The following ZNF124 variants were observed in gnomAD, a reference collection of about 807,000 sequenced individuals.
ZNF124 encodes zinc finger protein HZF-16.
A neutral mutation model predicts 26.6 loss-of-function variants in ZNF124; 25 were observed. The observed-to-expected ratio is 0.94, with a 90% CI of 0.68 to 1.31. The LOEUF is 1.31. Among genes scored for constraint, ZNF124 ranks in the 40% most tolerant of loss-of-function variants. The pLI is 0.00. For synonymous variants in ZNF124, 129 were observed against 133.3 expected (o/e 0.97, Z 0.22); for missense variants, 444 against 422.2 (o/e 1.05, Z -0.45).
In ZNF124 at chr1:247,159,005, C is replaced by T. The variant is rs777998506; in HGVS notation, c.218+1G>A. ...TGCTTCCTCTTGTGAGGGCAAATTA[C>T]CTTAGATTTCTTGAAGAATTTTTGT... On this transcript the variant is annotated splice_donor_variant, in intron 3 of 3. Coordinates refer to ENST00000543802, the MANE Select transcript of ZNF124 (RefSeq NM_001297568.2). LOFTEE classifies it high-confidence loss of function. 9.9e-6 allele frequency: 16 copies of T among 1,613,140 alleles called. No individual in the cohort carries two copies. The highest frequency in any genetic ancestry group is 8.5e-7 in the Non-Finnish European group (1 of 1,179,642).
chr1:247,153,796 CAGGATTATATCTT>C (rs147365585), downstream of ZNF124, among the ~76,000 whole-genome samples: 6,044 of 152,202 alleles, frequency 0.04, 146 homozygotes, highest in Non-Finnish European at 0.051. Context: ...CTTGTGGTCA[CAGGATTATATCTT>C]TAGAATGCTG....
intron 3 of ZNF124, among the ~76,000 whole-genome samples, chr1:247,127,769 C>T (rs1449994902): frequency 2.0e-5 from 3 of 149,456 alleles, no homozygotes; most frequent in African/African-American, 7.3e-5. Context: ...AGCTGTAAGC[C>T]CTTAAAAGAG....
chr1:247,150,651 A>G (rs1412793155), downstream of ZNF124, among the ~76,000 whole-genome samples: 1 of 152,134 alleles, frequency 6.6e-6, no homozygotes, highest in Non-Finnish European at 1.5e-5. Flanking sequence ...AACATTTAAT[A>G]TGCTGGGGAA....
At chr1:247,151,379 T>G (rs1239274400), downstream of ZNF124, among the ~76,000 whole-genome samples, 1 of 150,536 alleles carries the variant, frequency 6.6e-6, no homozygotes, top group Non-Finnish European at 1.5e-5. Flanking sequence ...CTCGGGAGGC[T>G]GAGGCAGGAG....
At chr1:247,163,941 C>G (rs1485778296) in intron 1 of ZNF124, among the ~76,000 whole-genome samples, 1 of 152,152 alleles carries the variant, frequency 6.6e-6, no homozygotes, top group South Asian at 2.1e-4. Context: ...ACCTATTCCA[C>G]CACCATGATT....
intron 3 of ZNF124, among the ~76,000 whole-genome samples, chr1:247,142,807 T>C (rs888466509): frequency 2.0e-5 from 3 of 151,774 alleles, no homozygotes; most frequent in Non-Finnish European, 4.4e-5. Flanking sequence ...ATCTTATGTA[T>C]TGTAGAAGAT....
At chr1:247,149,904 C>A (rs1042814779) in intron 3 of ZNF124, 18 of 152,208 alleles carry the variant, frequency 1.2e-4, no homozygotes, top group African/African-American at 3.6e-4. Flanking sequence ...GGCAGACTGT[C>A]TCTGGTGAAG....
In ZNF124 at chr1:247,156,251, C is replaced by A. The variant is rs1014466202; in HGVS notation, c.*315G>T. On this transcript the variant is annotated 3_prime_UTR_variant, in exon 4 of 4. Transcript: ENST00000543802. ...AATGAAGGCATTCTCACATTCGATA[C>A]CTTCATAAAGTTTTTCTCTAGAATG... 3.8e-6 allele frequency: 4 copies of A among 1,052,576 alleles called. No individual in the cohort carries two copies. The highest frequency in any genetic ancestry group is 4.6e-6 in the Non-Finnish European group (4 of 875,248). 65.2% of individuals were successfully genotyped at this position (1,052,576 alleles called of 1,614,324 possible).
chr1:247,152,838 A>G (rs973341812), downstream of ZNF124, among the ~76,000 whole-genome samples: 1 of 152,224 alleles, frequency 6.6e-6, no homozygotes, highest in African/African-American at 2.4e-5. Flanking sequence ...AAACATATAC[A>G]ACCCATGTAC....
intron 3 of ZNF124, among the ~76,000 whole-genome samples, chr1:247,148,854 C>T (rs1448972976): frequency 2.0e-5 from 3 of 151,950 alleles, no homozygotes; most frequent in African/African-American, 7.3e-5. Flanking sequence ...CCTGTAGGCC[C>T]AGCTACTCTG....
chr1:247,156,361 T>A lies in ZNF124; in HGVS notation c.*205A>T. 1 of 1,246,748 alleles carries A rather than the reference T, an allele frequency of 8.0e-7. No individual in the cohort carries two copies. The allele number at this position is 1,246,748 out of a possible 1,614,324, so 77.2% of individuals were successfully genotyped here. ...ATTCATATGGATTTTCTTCAGTGAGTCCTTTCAAGTTTTCAAAAAGAAATG... is the reference window on the plus strand; with the variant it reads ...ATTCATATGGATTTTCTTCAGTGAGACCTTTCAAGTTTTCAAAAAGAAATG... On this transcript the variant is annotated 3_prime_UTR_variant, in exon 4 of 4. Transcript: ENST00000543802.
chr1:247,154,592 C>T (rs977428474), downstream of ZNF124, among the ~76,000 whole-genome samples: 11 of 152,116 alleles, frequency 7.2e-5, no homozygotes, highest in African/African-American at 2.4e-4. Flanking sequence ...AATATAGATG[C>T]AAAATGTCTC....
chr1:247,161,991 A>T (rs1673507385), intron 1 of ZNF124, among the ~76,000 whole-genome samples: 1 of 152,192 alleles, frequency 6.6e-6, no homozygotes, highest in Admixed American at 6.5e-5. Flanking sequence ...AGCATTCTTA[A>T]GGAAAAGAAA....
intron 1 of ZNF124, among the ~76,000 whole-genome samples, chr1:247,166,311 A>C (rs1673776636): frequency 6.6e-6 from 1 of 152,268 alleles, no homozygotes; most frequent in Non-Finnish European, 1.5e-5. Flanking sequence ...GTGATTTCTC[A>C]AAGAAATTAA....
chr1:247,151,092 T>C (rs1672922443), downstream of ZNF124, among the ~76,000 whole-genome samples: 1 of 152,136 alleles, frequency 6.6e-6, no homozygotes, highest in Non-Finnish European at 1.5e-5. Flanking sequence ...AAAAGTGTGC[T>C]GAAATGTTCA....
At chr1:247,150,552 C>CA (rs1672900972), downstream of ZNF124, among the ~76,000 whole-genome samples, 1 of 151,592 alleles carries the variant, frequency 6.6e-6, no homozygotes, top group Non-Finnish European at 1.5e-5. Flanking sequence ...ACTGCAAAAT[C>CA]AAATTTTAAA....
intron 3 of ZNF124, among the ~76,000 whole-genome samples, chr1:247,135,448 A>C (rs181407632): frequency 1.0e-3 from 155 of 152,248 alleles, no homozygotes; most frequent in African/African-American, 3.5e-3. Flanking sequence ...GAAATGGATA[A>C]ATTCTTGGAC....
chr1:247,161,785 C>T (rs1673497566), intron 1 of ZNF124, among the ~76,000 whole-genome samples: 1 of 151,998 alleles, frequency 6.6e-6, no homozygotes, highest in African/African-American at 2.4e-5. Flanking sequence ...TAATAGTCCA[C>T]ATTCTTTAGA....
Position 247,157,967 on chromosome 1 carries a change from TGGTC to T in ZNF124, c.219-568_219-565del, listed in dbSNP as rs757629069. Among the ~76,000 whole-genome samples the T allele has an allele frequency of 4.4e-3, 616 of 141,502 alleles. 3 individuals carry two copies. Among genetic ancestry groups the T allele is most frequent in the Middle Eastern group, 0.011 (3 of 270 alleles). The allele number at this position is 141,502 out of a possible 152,430, so 92.8% of individuals were successfully genotyped here. Reference sequence around the variant, plus strand: ...CCGATTGTTAAAAAAAAAAAAAAAATGGTCGGGCATGGTGGCTCACGCCTGTAAT... The same window carrying T: ...CCGATTGTTAAAAAAAAAAAAAAAATGGGCATGGTGGCTCACGCCTGTAAT... On this transcript the variant is annotated intron_variant, in intron 3 of 3. Transcript: ENST00000543802.
Sources: allele counts gnomAD v4.1 joint callset (sites outside exome capture counted in the v4.1 genomes callset), GRCh38; gene constraint gnomAD v4.1.1; transcripts MANE v1.5; gene names NCBI Gene and HGNC (gene_info 2026-07-23, HGNC 2026-07-21).